The following B4GALNT3 variants were observed in gnomAD, a reference collection of about 807,000 sequenced individuals.
The protein encoded by B4GALNT3 is beta-1,4-N-acetyl-galactosaminyltransferase 3.
B4GALNT3 carries 86 observed loss-of-function variants against 120.2 expected under a neutral mutation model. The ratio of observed to expected loss-of-function variants is 0.72; its 90% CI spans 0.60 to 0.86. The LOEUF is 0.86. B4GALNT3 is among the 40% of genes least tolerant of loss of function. The pLI, the probability that B4GALNT3 is intolerant of heterozygous loss-of-function variation, is 0.00. For missense variants in B4GALNT3, 1,167 were observed against 1,298.9 expected (o/e 0.90, Z 1.56); for synonymous variants, 518 against 510.4 (o/e 1.01, Z -0.20).
intron 1 of B4GALNT3, among the ~76,000 whole-genome samples, chr12:490,333 A>G (rs1167851755): frequency 1.3e-5 from 2 of 152,214 alleles, no homozygotes; most frequent in Non-Finnish European, 2.9e-5. Context: ...GATCAGTAAG[A>G]TTGATAAGCC....
intron 1 of B4GALNT3, among the ~76,000 whole-genome samples, chr12:471,606 C>T (rs12811171): frequency 0.26 from 39,794 of 151,210 alleles, 6,123 homozygotes; most frequent in Middle Eastern, 0.39. Context: ...ACTTGGGAGG[C>T]TGAGGCAGGA....
chr12:469,260 G>T (rs1946111886), intron 1 of B4GALNT3, among the ~76,000 whole-genome samples: 1 of 152,146 alleles, frequency 6.6e-6, no homozygotes, highest in East Asian at 1.9e-4. Flanking sequence ...CGGGAGCCTT[G>T]TCTGGGTAGT....
chr12:493,040 T>C (rs1215875865), intron 1 of B4GALNT3, among the ~76,000 whole-genome samples: 1 of 152,236 alleles, frequency 6.6e-6, no homozygotes, highest in East Asian at 1.9e-4. Context: ...CCAGTGACTT[T>C]AGATTTTTAG....
chr12:520,489 C>T (rs10774278), intron 1 of B4GALNT3, among the ~76,000 whole-genome samples: 90,779 of 141,920 alleles, frequency 0.64, 29,754 homozygotes, highest in East Asian at 0.84. Context: ...TTAGTAAGGT[C>T]CTCACTTTTC....
chr12:487,035 T>G (rs1197681949), intron 1 of B4GALNT3, among the ~76,000 whole-genome samples: 2 of 152,106 alleles, frequency 1.3e-5, no homozygotes, highest in East Asian at 3.9e-4. Context: ...AAAACCCCTC[T>G]AACAGAAATG....
Position 487,791 on chromosome 12 carries a change from C to CA in B4GALNT3, c.169+27255dup, listed in dbSNP as rs1399192598. Among the ~76,000 whole-genome samples, 60 of 150,116 alleles carry CA rather than the reference C, an allele frequency of 4.0e-4. No homozygotes were observed. The South Asian group carries it at 0.012, about 30-fold the overall frequency. ...AAACATAGTAAAACCTTGTCTCTACCAAAAAAAAATTTTAAAATTAGCCAG... is the reference window on the plus strand; with the variant it reads ...AAACATAGTAAAACCTTGTCTCTACCAAAAAAAAAATTTTAAAATTAGCCAG... On this transcript the variant is annotated intron_variant, in intron 1 of 19. Transcript: ENST00000266383.
At chr12:525,351 C>A (rs927301269) in intron 1 of B4GALNT3, among the ~76,000 whole-genome samples, 1 of 152,150 alleles carries the variant, frequency 6.6e-6, no homozygotes, top group South Asian at 2.1e-4. Context: ...TCAGGTCATC[C>A]GCCTGCCTCG....
intron 1 of B4GALNT3, among the ~76,000 whole-genome samples, chr12:497,151 A>T (rs968382988): frequency 4.0e-5 from 6 of 150,358 alleles, no homozygotes; most frequent in East Asian, 3.9e-4. Flanking sequence ...TATTATTATT[A>T]TTTTTTTAAT....
At chr12:522,545 C>T (rs953860266) in intron 1 of B4GALNT3, among the ~76,000 whole-genome samples, 7 of 152,034 alleles carry the variant, frequency 4.6e-5, no homozygotes, top group African/African-American at 1.7e-4. Flanking sequence ...TTAATGGGTA[C>T]GGAGTTTCAG....
chr12:561,501 G>A lies in B4GALNT3; in HGVS notation c.*50G>A, dbSNP rs1285475647. On this transcript the variant is annotated 3_prime_UTR_variant, in exon 20 of 20. Coordinates refer to ENST00000266383, the MANE Select transcript of B4GALNT3 (RefSeq NM_173593.4). ...CACTCCCCGCTCTGGACTAGCAGTG[G>A]CTCCCCAGGGCCCTGCTACTGTTCA... 7.1e-7 allele frequency: 1 copy of A among 1,399,178 alleles called. No individual in the cohort carries two copies. Among genetic ancestry groups the A allele is most frequent in the East Asian group, 2.3e-5 (1 of 42,592 alleles). 86.7% of individuals were successfully genotyped at this position (1,399,178 alleles called of 1,614,324 possible).
chr12:486,205 CTTTTTTTTT>C (rs59345776), intron 1 of B4GALNT3, among the ~76,000 whole-genome samples: 3 of 97,990 alleles, frequency 3.1e-5, no homozygotes, highest in African/African-American at 8.2e-5. Context: ...CCAAAATATT[CTTTTTTTTT>C]TTTTTTTTTT....
intron 5 of B4GALNT3, 194 bp downstream of exon 5, chr12:545,166 G>T: frequency 6.9e-7 from 1 of 1,442,538 alleles, no homozygotes; most frequent in Non-Finnish European, 9.1e-7. Flanking sequence ...CTGGTTTGCA[G>T]CCTGGAACCA....
At chr12:517,632 T>G (rs1284471040) in intron 1 of B4GALNT3, among the ~76,000 whole-genome samples, 1 of 152,204 alleles carries the variant, frequency 6.6e-6, no homozygotes, top group Non-Finnish European at 1.5e-5. Flanking sequence ...CATGACCTAC[T>G]TCCCCATGAT....
At chr12:549,245 A>G (rs919435315) in intron 9 of B4GALNT3, among the ~76,000 whole-genome samples, 9 of 152,024 alleles carry the variant, frequency 5.9e-5, no homozygotes, top group African/African-American at 1.9e-4. Context: ...TGCTGAAACT[A>G]GATCACCTGG....
intron 19 of B4GALNT3, among the ~76,000 whole-genome samples, chr12:559,864 A>G (rs536004511): frequency 2.6e-5 from 4 of 152,232 alleles, no homozygotes; most frequent in Admixed American, 6.5e-5. Context: ...TGGGGCCAGC[A>G]GAAGAGACAG....
intron 1 of B4GALNT3, among the ~76,000 whole-genome samples, chr12:522,186 G>C (rs978318589): frequency 6.6e-6 from 1 of 152,178 alleles, no homozygotes; most frequent in Admixed American, 6.5e-5. Context: ...AGCATGGCAA[G>C]CAAGGGCTCT....
intron 1 of B4GALNT3, among the ~76,000 whole-genome samples, chr12:513,127 GCCTTCCACCTTCCA>G (rs1244000850): frequency 1.5e-5 from 1 of 67,962 alleles, no homozygotes; most frequent in Non-Finnish European, 2.5e-5. Context: ...TCCACCTTCC[GCCTTCCACCTTCCA>G]CCTTCGACCT....
At chr12:543,627 G>A (rs1404601008) in intron 3 of B4GALNT3, among the ~76,000 whole-genome samples, 2 of 92,590 alleles carry the variant, frequency 2.2e-5, no homozygotes, top group African/African-American at 4.8e-5. Context: ...CGGGCATGGG[G>A]TGCTCATCTT....
At chr12:537,166 C>T (rs1292578329) in intron 3 of B4GALNT3, among the ~76,000 whole-genome samples, 1 of 152,206 alleles carries the variant, frequency 6.6e-6, no homozygotes, top group Non-Finnish European at 1.5e-5. Context: ...CTGTAACGAA[C>T]ATGCACTGGG....
Sources: allele counts gnomAD v4.1 joint callset (sites outside exome capture counted in the v4.1 genomes callset), GRCh38; gene constraint gnomAD v4.1.1; transcripts MANE v1.5; gene names NCBI Gene and HGNC (gene_info 2026-07-23, HGNC 2026-07-21).